The following STARD13 variants were observed in gnomAD, a reference collection of about 807,000 sequenced individuals.
The protein encoded by STARD13 is StAR related lipid transfer domain containing 13.
A neutral mutation model predicts 106.4 loss-of-function variants in STARD13; 62 were observed. That is an observed-to-expected ratio of 0.58 (90% CI 0.48 to 0.72). The LOEUF is 0.72. Ranked by LOEUF, STARD13 falls within the 30% of genes least tolerant of loss-of-function variation. STARD13 has a pLI of 0.00. For missense variants in STARD13, 1,387 were observed against 1,424.0 expected (o/e 0.97, Z 0.42); for synonymous variants, 565 against 553.0 (o/e 1.02, Z -0.31).
At chr13:33,501,041 C>T in the STARD13 span, among the ~76,000 whole-genome samples, 2 of 148,384 alleles carry the variant, frequency 1.3e-5, no homozygotes, top group African/African-American at 4.9e-5. Context: ...TAACAAAAAA[C>T]CCTGCCACAT....
chr13:33,425,500 GA>G, the STARD13 span, among the ~76,000 whole-genome samples: 1 of 152,044 alleles, frequency 6.6e-6, no homozygotes, highest in South Asian at 2.1e-4. Context: ...GTGCATTTGG[GA>G]AAAAATGAGG....
chr13:33,186,460 C>T (rs929871374), intron 1 of STARD13, among the ~76,000 whole-genome samples: 3 of 152,128 alleles, frequency 2.0e-5, no homozygotes, highest in Non-Finnish European at 4.4e-5. Flanking sequence ...TCTTACATGC[C>T]CTTTAAGACC....
Position 33,126,231 on chromosome 13 carries a change from T to C in STARD13, c.1932A>G (p.Pro644=). Residue 644 remains proline, a synonymous_variant, in exon 7 of 14, where the codon CCA becomes CCG. Transcript: ENST00000336934. ...SNKHGWTWSV[P]KFMKRMKVPD... ...GAACTTTCATCCTCTTCATGAACTT[T>C]GGAACTGACCTAGAATTTACAGAAA... is the stretch of plus-strand genomic sequence containing the variant. The C allele has an allele frequency of 6.2e-7, 1 of 1,614,162 alleles. No individual in the cohort carries two copies. Among genetic ancestry groups the C allele is most frequent in the Admixed American group, 1.7e-5 (1 of 60,026 alleles).
At chr13:33,334,911 A>G (rs2077877856) in intron 1 of STARD13, 1 of 150,402 alleles carries the variant, frequency 6.6e-6, no homozygotes, top group South Asian at 2.1e-4. Context: ...ATTTTAAAAC[A>G]CAGCCTGTAT....
chr13:33,609,224 A>G, the STARD13 span, among the ~76,000 whole-genome samples: 1 of 152,170 alleles, frequency 6.6e-6, no homozygotes, highest in Non-Finnish European at 1.5e-5. Context: ...GAAACCACAT[A>G]TAAATTGCAA....
At chr13:33,200,957 C>T (rs1479502337) in intron 1 of STARD13, among the ~76,000 whole-genome samples, 2 of 151,818 alleles carry the variant, frequency 1.3e-5, no homozygotes, top group South Asian at 4.2e-4. Context: ...ACCCAGGAGG[C>T]GGAGCTTGCA....
chr13:33,327,606 A>C (rs1447825486), intron 1 of STARD13, among the ~76,000 whole-genome samples: 1 of 152,196 alleles, frequency 6.6e-6, no homozygotes, highest in Non-Finnish European at 1.5e-5. Flanking sequence ...CCTGGCCTCA[A>C]GGGATCCTCT....
chr13:33,482,455 A>G, the STARD13 span, among the ~76,000 whole-genome samples: 19 of 152,332 alleles, frequency 1.2e-4, no homozygotes, highest in Admixed American at 1.2e-3. Flanking sequence ...AATAAAAAGC[A>G]TTTTGTTGAT....
chr13:33,414,554 T>C, the STARD13 span, among the ~76,000 whole-genome samples: 1 of 151,936 alleles, frequency 6.6e-6, no homozygotes, highest in African/African-American at 2.4e-5. Context: ...AAATGTTACA[T>C]ATTGTATGTT....
intron 1 of STARD13, among the ~76,000 whole-genome samples, chr13:33,187,748 TCTCAGCTCACTGTAAC>T (rs1264798417): frequency 6.6e-6 from 1 of 152,218 alleles, no homozygotes; most frequent in Non-Finnish European, 1.5e-5. Context: ...AGTGGCATGA[TCTCAGCTCACTGTAAC>T]CTCCGCCTCC....
intron 9 of STARD13, among the ~76,000 whole-genome samples, chr13:33,112,213 A>G (rs1874686166): frequency 6.6e-6 from 1 of 152,220 alleles, no homozygotes. Context: ...TAAAAATTGT[A>G]AAATACTACT....
chr13:33,232,082 A>T (rs1439614631), intron 1 of STARD13, among the ~76,000 whole-genome samples: 1 of 152,202 alleles, frequency 6.6e-6, no homozygotes, highest in African/African-American at 2.4e-5. Context: ...GGAGGCCAAG[A>T]TGGGTGGATC....
At chr13:33,540,027 T>C in the STARD13 span, among the ~76,000 whole-genome samples, 3 of 152,210 alleles carry the variant, frequency 2.0e-5, no homozygotes, top group Non-Finnish European at 4.4e-5. Flanking sequence ...ACCCACTTAA[T>C]GGCTAAAACT....
the STARD13 span, among the ~76,000 whole-genome samples, chr13:33,365,991 T>G: frequency 6.6e-6 from 1 of 152,102 alleles, no homozygotes; most frequent in African/African-American, 2.4e-5. Flanking sequence ...ATTGATAGTT[T>G]TCTTTTTAAA....
chr13:33,187,543 CTTTA>C (rs1885882246), intron 1 of STARD13, among the ~76,000 whole-genome samples: 1 of 151,988 alleles, frequency 6.6e-6, no homozygotes, highest in African/African-American at 2.4e-5. Context: ...AGACTTCTAT[CTTTA>C]TTTGTCACTA....
chr13:33,275,168 G>A (rs962918050), intron 1 of STARD13, among the ~76,000 whole-genome samples: 3 of 152,052 alleles, frequency 2.0e-5, no homozygotes, highest in African/African-American at 7.3e-5. Context: ...ATTGGAAAAG[G>A]CAATGGTTTT....
In STARD13 at chr13:33,110,753, G is replaced by C; in HGVS notation, c.2762C>G (p.Ala921Gly). ...NHLIQGLQKEAKEKFKGWVTC... is the reference protein window; with the variant it reads ...NHLIQGLQKEGKEKFKGWVTC... ...GACCCATCCTTTGAACTTCTCCTTG[G>C]CTTCTTTCTGGAGGCCCTGGATGAG... The change falls in exon 11 of 14, where the codon GCC becomes GGC. Residue 921 changes from alanine (A) to glycine (G), a missense_variant. Physicochemically the swap from Ala to Gly is moderately conservative, Grantham distance 60 (BLOSUM62 0). Transcript: ENST00000336934. 1.2e-6 allele frequency: 2 copies of C among 1,614,194 alleles called. No homozygotes were observed. Among genetic ancestry groups the C allele is most frequent in the Non-Finnish European group, 1.7e-6 (2 of 1,180,042 alleles).
the STARD13 span, among the ~76,000 whole-genome samples, chr13:33,641,320 A>G: frequency 1.3e-5 from 2 of 150,840 alleles, no homozygotes; most frequent in Admixed American, 1.4e-4. Context: ...AGCTCAAATG[A>G]TCCTCCCACC....
the STARD13 span, among the ~76,000 whole-genome samples, chr13:33,457,396 C>A: frequency 6.6e-6 from 1 of 152,138 alleles, no homozygotes; most frequent in Non-Finnish European, 1.5e-5. Context: ...AGAAGAAAGT[C>A]CTCAAAGCCA....
Sources: allele counts gnomAD v4.1 joint callset (sites outside exome capture counted in the v4.1 genomes callset), GRCh38; gene constraint gnomAD v4.1.1; transcripts MANE v1.5; gene names NCBI Gene and HGNC (gene_info 2026-07-23, HGNC 2026-07-21).